Variants in PRR16 observed in about 807,000 individuals in gnomAD.
PRR16 encodes the protein protein Largen.
Under a neutral mutation model 18.2 loss-of-function variants are expected in PRR16, and 6 were observed. That is an observed-to-expected ratio of 0.33 (90% CI 0.18 to 0.65). The LOEUF (loss-of-function observed/expected upper bound fraction) is 0.65. Among genes scored for constraint, PRR16 ranks in the 30% least tolerant of loss-of-function variants. The pLI is 0.74. For missense variants in PRR16, 412 were observed against 376.6 expected, an observed-to-expected ratio of 1.09 and a Z score of -0.78; for synonymous variants, 151 against 147.8, an observed-to-expected ratio of 1.02 and a Z score of -0.16.
intron 1 of PRR16, among the ~76,000 whole-genome samples, chr5:120,647,812 C>CA (rs1755648561): frequency 6.6e-6 from 1 of 152,100 alleles, no homozygotes; most frequent in African/African-American, 2.4e-5. Context: ...AAGCACTTTA[C>CA]AAAAAACTCG....
At chr5:120,491,005 C>G (rs1580639358) in intron 1 of PRR16, among the ~76,000 whole-genome samples, 1 of 152,180 alleles carries the variant, frequency 6.6e-6, no homozygotes, top group Non-Finnish European at 1.5e-5. Context: ...CCTGATCATT[C>G]CTCTGGAAGT....
intron 1 of PRR16, among the ~76,000 whole-genome samples, chr5:120,567,035 G>GT (rs1752759758): frequency 6.6e-6 from 1 of 151,894 alleles, no homozygotes; most frequent in Admixed American, 6.6e-5. Flanking sequence ...TTTTTCAGCA[G>GT]TTTGTCTTGG....
chr5:120,758,462 T>TA, the PRR16 span, among the ~76,000 whole-genome samples: 1 of 152,158 alleles, frequency 6.6e-6, no homozygotes, highest in African/African-American at 2.4e-5. Context: ...GCTTTGTTTT[T>TA]ACTTAGTTAA....
intron 1 of PRR16, among the ~76,000 whole-genome samples, chr5:120,466,707 G>A (rs1319941731): frequency 1.3e-5 from 2 of 152,074 alleles, no homozygotes; most frequent in African/African-American, 2.4e-5. Context: ...TTAAAAAAAA[G>A]GTTGTTTATA....
the PRR16 span, among the ~76,000 whole-genome samples, chr5:120,763,585 T>G: frequency 6.6e-6 from 1 of 152,164 alleles, no homozygotes; most frequent in African/African-American, 2.4e-5. Flanking sequence ...TTTATTTCTA[T>G]GAAAAATAAT....
intron 1 of PRR16, among the ~76,000 whole-genome samples, chr5:120,654,558 AT>A (rs1269679975): frequency 6.6e-6 from 1 of 151,966 alleles, no homozygotes; most frequent in Admixed American, 6.6e-5. Flanking sequence ...GCTAAAAAAA[AT>A]CTCAAATTAT....
At chr5:120,770,863 T>C in the PRR16 span, among the ~76,000 whole-genome samples, 1 of 151,642 alleles carries the variant, frequency 6.6e-6, no homozygotes, top group African/African-American at 2.4e-5. Context: ...TGCAAGGACA[T>C]ACAACTCATT....
the PRR16 span, among the ~76,000 whole-genome samples, chr5:120,698,429 ATTAT>A: frequency 2.0e-5 from 3 of 151,828 alleles, no homozygotes; most frequent in Admixed American, 1.3e-4. Context: ...GCCAGCAAAG[ATTAT>A]TTATTTACTT....
rs1266078954 is a variant in PRR16, at chr5:120,687,157, A to C, written c.*448A>C. ...TTTTTTTCTAAAGATGTTTGTCACT[A>C]GTTTTTCATTATTAAATGCTGAGGC... On this transcript the variant is annotated 3_prime_UTR_variant, in exon 2 of 2. Coordinates refer to ENST00000407149, the MANE Select transcript of PRR16 (RefSeq NM_001300783.2). 1 of 152,872 alleles carries C rather than the reference A, an allele frequency of 6.5e-6. No homozygotes were observed. The highest frequency in any genetic ancestry group is 2.1e-4 in the South Asian group (1 of 4,834). 9.5% of individuals were successfully genotyped at this position (152,872 alleles called of 1,614,324 possible).
At chr5:120,755,555 T>C in the PRR16 span, among the ~76,000 whole-genome samples, 1 of 152,066 alleles carries the variant, frequency 6.6e-6, no homozygotes. Flanking sequence ...CTGCAAATAA[T>C]ATGATTTCAT....
the PRR16 span, among the ~76,000 whole-genome samples, chr5:120,750,403 A>G: frequency 3.9e-5 from 6 of 152,044 alleles, no homozygotes; most frequent in Admixed American, 6.6e-5. Context: ...TCACACCTGT[A>G]ATCCCAGCAC....
chr5:120,602,729 G>T lies in PRR16; in HGVS notation c.160-83225G>T, dbSNP rs752045816. Among the ~76,000 whole-genome samples the T allele has an allele frequency of 2.0e-5, 3 of 151,848 alleles. 1 individual carries two copies. The highest frequency in any genetic ancestry group is 4.4e-5 in the Non-Finnish European group (3 of 67,866). On this transcript the variant is annotated intron_variant, in intron 1 of 1. Transcript: ENST00000407149. ...ATAGGTGACTCTTATTATCATCAAA[G>T]GTATGTTCCTTTGATGCCTAATTTG... is the stretch of plus-strand genomic sequence containing the variant.
the PRR16 span, among the ~76,000 whole-genome samples, chr5:120,759,535 G>T: frequency 6.6e-6 from 1 of 151,990 alleles, no homozygotes; most frequent in Non-Finnish European, 1.5e-5. Context: ...GGCATAGAGG[G>T]TTGAATATAT....
the PRR16 span, among the ~76,000 whole-genome samples, chr5:120,697,724 T>TTCTC: frequency 6.6e-6 from 1 of 151,920 alleles, no homozygotes; most frequent in Non-Finnish European, 1.5e-5. Context: ...AGGGGGTTTG[T>TTCTC]TCTCTGGCGG....
At chr5:120,715,635 T>C in the PRR16 span, among the ~76,000 whole-genome samples, 1 of 152,194 alleles carries the variant, frequency 6.6e-6, no homozygotes, top group African/African-American at 2.4e-5. Context: ...TGCCCTATAA[T>C]AGCCTGATTA....
At chr5:120,551,250 A>T (rs146929245) in intron 1 of PRR16, among the ~76,000 whole-genome samples, 134 of 152,078 alleles carry the variant, frequency 8.8e-4, no homozygotes, top group African/African-American at 3.0e-3. Context: ...GTATATAAAT[A>T]AGATCATGCT....
the PRR16 span, among the ~76,000 whole-genome samples, chr5:120,767,874 A>G: frequency 6.6e-6 from 1 of 151,832 alleles, no homozygotes; most frequent in African/African-American, 2.4e-5. Flanking sequence ...TTCACAACTT[A>G]GAGTGACTGA....
the PRR16 span, among the ~76,000 whole-genome samples, chr5:120,783,156 G>A: frequency 6.6e-6 from 1 of 152,134 alleles, no homozygotes; most frequent in Non-Finnish European, 1.5e-5. Flanking sequence ...AGAATTATTT[G>A]TGTTAACTTA....
rs893654429 is a variant in PRR16 at position 120,473,160 on chromosome 5, T to C, written c.159+8515T>C. 2.0e-5 allele frequency among the ~76,000 whole-genome samples: 3 copies of C among 152,328 alleles called. No homozygotes were observed. In the East Asian group the frequency reaches 5.8e-4, roughly 29 times the overall value. On this transcript the variant is annotated intron_variant, in intron 1 of 1. Coordinates refer to ENST00000407149, the MANE Select transcript of PRR16 (RefSeq NM_001300783.2). ...ACTTTTGATGACAGTGATAACACTG[T>C]AGGCTATTATGAATTGACATAACTT...
Sources: allele counts gnomAD v4.1 joint callset (sites outside exome capture counted in the v4.1 genomes callset), GRCh38; gene constraint gnomAD v4.1.1; transcripts MANE v1.5; gene names NCBI Gene and HGNC (gene_info 2026-07-23, HGNC 2026-07-21).